The following GCNT4 variants were observed in gnomAD, a reference collection of about 807,000 sequenced individuals.
GCNT4 encodes glucosaminyl (N-acetyl) transferase 4.
GCNT4 carries 17 observed loss-of-function variants against 31.3 expected under a neutral mutation model. That is an observed-to-expected ratio of 0.54 (90% CI 0.37 to 0.81). The LOEUF (loss-of-function observed/expected upper bound fraction) is 0.81. Among genes scored for constraint, GCNT4 ranks in the 40% least tolerant of loss-of-function variants. GCNT4 has a pLI of 0.00. For synonymous variants in GCNT4, 158 were observed against 190.6 expected, an observed-to-expected ratio of 0.83 and a Z score of 1.41; for missense variants, 503 against 525.5, an observed-to-expected ratio of 0.96 and a Z score of 0.42.
chr5:75,032,881 G>GTGTGTA (rs1743100706), intron 3 of GCNT4, among the ~76,000 whole-genome samples: 1 of 71,008 alleles, frequency 1.4e-5, no homozygotes, highest in Non-Finnish European at 2.7e-5. Flanking sequence ...GGGTGTGTGT[G>GTGTGTA]TGTGTGTGTG....
chr5:75,032,343 G>C (rs997435666), intron 3 of GCNT4, among the ~76,000 whole-genome samples: 1 of 152,096 alleles, frequency 6.6e-6, no homozygotes, highest in Non-Finnish European at 1.5e-5. Context: ...GCAGTTGCTG[G>C]ATGGACATTG....
intron 3 of GCNT4, among the ~76,000 whole-genome samples, chr5:75,035,050 A>G (rs1482912099): frequency 1.2e-5 from 1 of 84,458 alleles, no homozygotes; most frequent in Non-Finnish European, 2.2e-5. Context: ...ACCCCAGCTA[A>G]GCGGACACGA....
Position 75,049,595 on chromosome 5 carries a change from G to C in GCNT4, c.-142-1558C>G, listed in dbSNP as rs142696807. Among the ~76,000 whole-genome samples, 5 of 152,332 alleles carry C rather than the reference G, an allele frequency of 3.3e-5. No individual in the cohort carries two copies. The East Asian group carries it at 9.6e-4, about 29-fold the overall frequency. Reference sequence around the variant, plus strand: ...GGAATGCATATAAATGACATGCAAAGTAATGCAAATTAATACAAAACATAC... The same window carrying C: ...GGAATGCATATAAATGACATGCAAACTAATGCAAATTAATACAAAACATAC... On this transcript the variant is annotated intron_variant, in intron 2 of 3. Coordinates refer to ENST00000652361, the MANE Select transcript of GCNT4 (RefSeq NM_001366737.1).
At chr5:75,030,734 T>A (rs1743043272) in intron 3 of GCNT4, 1 of 166,950 alleles carries the variant, frequency 6.0e-6, no homozygotes, top group African/African-American at 2.4e-5. Flanking sequence ...GTAGGTGGGG[T>A]GTAAAAACTA....
chr5:75,037,045 T>A (rs1743214604), intron 3 of GCNT4, among the ~76,000 whole-genome samples: 2 of 152,202 alleles, frequency 1.3e-5, no homozygotes. Context: ...AGCTTATTGA[T>A]TTAGAAATGT....
At position 75,047,945 on chromosome 5, in the gene GCNT4, T is replaced by C. The variant is rs540019161; in HGVS notation, c.-50A>G. On this transcript the variant is annotated 5_prime_UTR_variant, in exon 3 of 4. Transcript: ENST00000652361. ...CCCCAGGCTGATGGTATAAACAGCG[T>C]AGGGAAAGGAACATCACCGTCAGTT... is the stretch of plus-strand genomic sequence containing the variant. 7.9e-5 allele frequency: 12 copies of C among 152,258 alleles called. No homozygotes were observed. Among genetic ancestry groups the C allele is most frequent in the African/African-American group, 2.6e-4 (11 of 41,550 alleles). 9.4% of individuals were successfully genotyped at this position (152,258 alleles called of 1,614,324 possible). A position where few individuals can be genotyped will look rare whatever the true frequency, so the allele number is the denominator to read the frequency against.
At chr5:75,045,672 T>C (rs1331895704) in intron 3 of GCNT4, among the ~76,000 whole-genome samples, 1 of 152,226 alleles carries the variant, frequency 6.6e-6, no homozygotes, top group Non-Finnish European at 1.5e-5. Context: ...TTCTTAGATA[T>C]CCAGTTTCTA....
intron 3 of GCNT4, among the ~76,000 whole-genome samples, chr5:75,047,097 T>C (rs1453857088): frequency 6.6e-6 from 1 of 152,230 alleles, no homozygotes; most frequent in East Asian, 1.9e-4. Flanking sequence ...CTTTCTCCAA[T>C]CCACTATATA....
chr5:75,030,139 T>C, intron 3 of GCNT4, 101 bp from the exon 4 acceptor site: 4 of 1,058,460 alleles, frequency 3.8e-6, no homozygotes, highest in Non-Finnish European at 4.1e-6. Context: ...AGGCAAATGC[T>C]GCCCCAAAGA....
In GCNT4 at chr5:75,032,870, GGGGTGT is replaced by G. The variant is rs1373369291; in HGVS notation, c.-1-2838_-1-2833del. 9.8e-5 allele frequency among the ~76,000 whole-genome samples: 8 copies of G among 82,032 alleles called. No individual in the cohort carries two copies. The Admixed American group carries it at 1.1e-3, about 11-fold the overall frequency. The allele number at this position is 82,032 out of a possible 152,430, so 53.8% of individuals were successfully genotyped here. A position where few individuals can be genotyped will look rare whatever the true frequency, so the allele number is the denominator to read the frequency against. ...GTAGAAGACTAATCAATCCCAAATA[GGGGTGT>G]GTGTGTGTGTGTGTGTGTGTGTGTG... On this transcript the variant is annotated intron_variant, in intron 3 of 3. Coordinates refer to ENST00000652361, the MANE Select transcript of GCNT4 (RefSeq NM_001366737.1).
At chr5:75,030,350 T>C (rs138117947) in intron 3 of GCNT4, 78 of 256,062 alleles carry the variant, frequency 3.0e-4, no homozygotes, top group Non-Finnish European at 5.3e-4. Context: ...CTGCTTAGCA[T>C]ATTTGAGGAG....
chr5:75,034,858 A>C (rs1743160345), intron 3 of GCNT4, among the ~76,000 whole-genome samples: 1 of 152,256 alleles, frequency 6.6e-6, no homozygotes, highest in African/African-American at 2.4e-5. Context: ...CCATCCAGGC[A>C]TTGTTGGAGC....
downstream of GCNT4, among the ~76,000 whole-genome samples, chr5:75,024,737 G>A (rs1253422080): frequency 6.6e-6 from 1 of 152,092 alleles, no homozygotes. Context: ...GGATCACGAG[G>A]TCAGGAGTTT....
At position 75,027,916 on chromosome 5, in the gene GCNT4, AAGG is replaced by A. The variant is rs1742983549; in HGVS notation, c.*757_*759del. On this transcript the variant is annotated 3_prime_UTR_variant, in exon 4 of 4. Transcript: ENST00000652361. Reference sequence around the variant, plus strand: ...ATTTTAAAGAAACAGTTGAACTAAAAAGGAGGCCATTCATGATACTGTTTTGTA... The same window carrying A: ...ATTTTAAAGAAACAGTTGAACTAAAAAGGCCATTCATGATACTGTTTTGTA... The A allele has an allele frequency of 6.7e-6, 1 of 149,874 alleles. No homozygotes were observed. The highest frequency in any genetic ancestry group is 1.5e-5 in the Non-Finnish European group (1 of 68,028). 9.3% of individuals were successfully genotyped at this position (149,874 alleles called of 1,614,324 possible). A position where few individuals can be genotyped will look rare whatever the true frequency, so the allele number is the denominator to read the frequency against.
At chr5:75,041,812 G>A (rs919960610) in intron 3 of GCNT4, among the ~76,000 whole-genome samples, 2 of 152,210 alleles carry the variant, frequency 1.3e-5, no homozygotes, top group African/African-American at 4.8e-5. Flanking sequence ...AGCTGACTGT[G>A]TGTGTATCTA....
At chr5:75,050,996 T>C (rs1247798032) in intron 2 of GCNT4, among the ~76,000 whole-genome samples, 1 of 152,266 alleles carries the variant, frequency 6.6e-6, no homozygotes, top group Non-Finnish European at 1.5e-5. Flanking sequence ...CTCGCCACAA[T>C]GCCCCTTGGC....
Position 75,029,454 on chromosome 5 carries a change from A to G in GCNT4, c.584T>C (p.Val195Ala). The G allele has an allele frequency of 6.2e-7, 1 of 1,614,126 alleles. No individual in the cohort carries two copies. The highest frequency in any genetic ancestry group is 8.5e-7 in the Non-Finnish European group (1 of 1,180,026). The change falls in exon 4 of 4, where the codon GTG becomes GCG. Residue 195 changes from valine to alanine, a missense_variant. Val to Ala is a moderately conservative substitution (Grantham distance 64). Coordinates refer to ENST00000652361, the MANE Select transcript of GCNT4 (RefSeq NM_001366737.1). ...GAGTCTGGAAATGTGGGCATATTCC[A>G]CAGCCTCTAATTTGGAAGCAATGAA... ...NIFIASKLEAVEYAHISRLQA... is the reference protein window; with the variant it reads ...NIFIASKLEAAEYAHISRLQA...
downstream of GCNT4, among the ~76,000 whole-genome samples, chr5:75,023,523 CA>C (rs529493022): frequency 2.3e-3 from 337 of 143,658 alleles, 1 homozygote; most frequent in Middle Eastern, 3.6e-3. Flanking sequence ...TTTATGACAG[CA>C]AAAAAAAAAA....
rs571373125 is a variant in GCNT4, at chr5:75,039,903, T to C, written c.-2+7994A>G. 2.0e-5 allele frequency among the ~76,000 whole-genome samples: 3 copies of C among 152,334 alleles called. No homozygotes were observed. In the South Asian group the frequency reaches 6.2e-4, roughly 32 times the overall value. ...TCTAAAACCCTTCATTGGGATTTCA[T>C]GTCATGTAGAATACAATAAGAAATC... On this transcript the variant is annotated intron_variant, in intron 3 of 3. Transcript: ENST00000652361.
Sources: gnomAD v4.1 joint callset for allele counts (sites outside exome capture counted in the v4.1 genomes callset) on GRCh38, gnomAD v4.1.1 for gene constraint, MANE v1.5 for transcripts, NCBI Gene and HGNC (gene_info 2026-07-23, HGNC 2026-07-21) for gene names.